Variants in GSE1 observed in about 807,000 individuals in gnomAD.
GSE1 encodes the protein genetic suppressor element 1.
Under a neutral mutation model 112.6 loss-of-function variants are expected in GSE1, and 32 were observed. The observed-to-expected ratio is 0.28, with a 90% CI of 0.21 to 0.38. GSE1 has a LOEUF of 0.38. Among genes scored for constraint, GSE1 ranks in the 10% least tolerant of loss-of-function variants. The pLI is 1.00. For missense variants in GSE1, 2,348 were observed against 1,699.2 expected, an observed-to-expected ratio of 1.38 and a Z score of -6.71; for synonymous variants, 1,115 against 735.6, an observed-to-expected ratio of 1.52 and a Z score of -8.35.
Position 85,494,371 on chromosome 16 carries a change from T to G in GSE1, c.2464+136728T>G, listed in dbSNP as rs568668433. Among the ~76,000 whole-genome samples the G allele has an allele frequency of 1.6e-3, 243 of 152,330 alleles. 1 individual carries two copies. The highest frequency in any genetic ancestry group is 3.0e-3 in the Non-Finnish European group (204 of 68,034). ...TGTAAGGACCCCAGTCATGTTGGAC[T>G]TGGGGCCCACCCTATTCCAAAATGA... On this transcript the variant is annotated intron_variant, in intron 2 of 2. Transcript: ENST00000637419.
At chr16:85,480,322 G>T (rs2050631578) in intron 2 of GSE1, among the ~76,000 whole-genome samples, 1 of 152,064 alleles carries the variant, frequency 6.6e-6, no homozygotes, top group Non-Finnish European at 1.5e-5. Context: ...GGCGGGACTG[G>T]GAGTTTTCCT....
intron 1 of GSE1, among the ~76,000 whole-genome samples, chr16:85,337,231 C>A (rs1264416142): frequency 6.6e-6 from 1 of 152,208 alleles, no homozygotes; most frequent in Admixed American, 6.5e-5. Context: ...GCCTAGGCAG[C>A]ACAGCCCCCT....
intron 2 of GSE1, among the ~76,000 whole-genome samples, chr16:85,440,023 G>C (rs2049340079): frequency 1.3e-5 from 2 of 152,248 alleles, no homozygotes; most frequent in Admixed American, 6.5e-5. Context: ...AGACTGCACA[G>C]AGCTCCACAG....
intron 2 of GSE1, among the ~76,000 whole-genome samples, chr16:85,504,255 A>C (rs2051464063): frequency 6.6e-6 from 1 of 152,212 alleles, no homozygotes; most frequent in East Asian, 1.9e-4. Flanking sequence ...CCCACGATGT[A>C]AGATGGGCAC....
intron 1 of GSE1, among the ~76,000 whole-genome samples, chr16:85,344,757 G>T (rs577068313): frequency 2.4e-4 from 36 of 152,356 alleles, no homozygotes; most frequent in African/African-American, 8.2e-4. Flanking sequence ...TTTGAAGCAG[G>T]CAAGGCTGAG....
chr16:85,214,929 A>G (rs1224586042), intron 1 of GSE1, among the ~76,000 whole-genome samples: 4 of 152,080 alleles, frequency 2.6e-5, no homozygotes, highest in Non-Finnish European at 5.9e-5. Flanking sequence ...TTCCCTCCCC[A>G]TGTCCATTCA....
At chr16:85,642,034 G>C (rs1335461708) in intron 2 of GSE1, among the ~76,000 whole-genome samples, 1 of 152,254 alleles carries the variant, frequency 6.6e-6, no homozygotes, top group Non-Finnish European at 1.5e-5. Flanking sequence ...CCCTCCAGCT[G>C]TTCCAGCCTA....
In GSE1 at chr16:85,661,274, T is replaced by G. The variant is rs1225917614; in HGVS notation, c.1769T>G (p.Leu590Arg). 2 of 1,612,816 alleles carry G rather than the reference T, an allele frequency of 1.2e-6. No individual in the cohort carries two copies. The highest frequency in any genetic ancestry group is 2.7e-5 in the African/African-American group (2 of 74,934). The change falls in exon 9 of 16, where the codon CTG (leucine) becomes CGG (arginine). Residue 590 changes from leucine to arginine, a missense_variant. Leu to Arg is a moderately radical substitution (Grantham distance 102, BLOSUM62 -2). Transcript: ENST00000253458. ...ACGGCCCTCTGGAACCCCGTGTCCCTGATGGACAACACCTTGGAGACGCGG... is the reference window on the plus strand; with the variant it reads ...ACGGCCCTCTGGAACCCCGTGTCCCGGATGGACAACACCTTGGAGACGCGG... Reference protein sequence around the residue: ...APTALWNPVSLMDNTLETRRA... With the variant: ...APTALWNPVSRMDNTLETRRA...
chr16:85,203,236 C>T (rs912008752), intron 1 of GSE1, among the ~76,000 whole-genome samples: 3 of 152,138 alleles, frequency 2.0e-5, no homozygotes, highest in Non-Finnish European at 2.9e-5. Flanking sequence ...GCGATGGCCA[C>T]CTAGATGGAG....
chr16:85,550,185 C>T (rs1430844250), intron 2 of GSE1, among the ~76,000 whole-genome samples: 2 of 152,082 alleles, frequency 1.3e-5, no homozygotes, highest in Non-Finnish European at 2.9e-5. Context: ...AGGGTGGGGG[C>T]GAGACGGAAT....
chr16:85,609,886 A>G (rs1490696222), upstream of GSE1, among the ~76,000 whole-genome samples: 1 of 152,116 alleles, frequency 6.6e-6, no homozygotes, highest in Non-Finnish European at 1.5e-5. Context: ...CGAACTCCTG[A>G]TCTCAAGCAA....
intron 1 of GSE1, among the ~76,000 whole-genome samples, chr16:85,312,441 G>T (rs1393946489): frequency 6.6e-6 from 1 of 152,168 alleles, no homozygotes; most frequent in Non-Finnish European, 1.5e-5. Context: ...TTGGCTCATG[G>T]CTGTATTGCC....
rs1221128320 is a variant in GSE1 at position 85,648,671 on chromosome 16, A to G, written c.346A>G (p.Ser116Gly). The change falls in exon 3 of 16, where the codon AGC (serine) becomes GGC (glycine). Residue 116 changes from serine (S) to glycine (G), a missense_variant. Transcript: ENST00000253458. ...GPIIVPPGGH[S>G]VPSTPPVVTI... ...TATCATCGTCCCCCCTGGGGGCCAC[A>G]GCGTGCCCAGCACCCCCCCCGTGGT... 2 of 1,602,028 alleles carry G rather than the reference A, an allele frequency of 1.2e-6. No homozygotes were observed. The highest frequency in any genetic ancestry group is 4.5e-5 in the East Asian group (2 of 44,498).
chr16:85,215,013 T>C (rs1382948656), intron 1 of GSE1, among the ~76,000 whole-genome samples: 2 of 152,168 alleles, frequency 1.3e-5, no homozygotes, highest in Non-Finnish European at 2.9e-5. Flanking sequence ...AAGGCCCAGC[T>C]AGAGTGCCCA....
chr16:85,192,903 A>G (rs1567601512), intron 1 of GSE1, among the ~76,000 whole-genome samples: 1 of 152,186 alleles, frequency 6.6e-6, no homozygotes. Context: ...TGCCCTCGCA[A>G]ACAAGAGTGA....
chr16:85,323,907 A>G lies in GSE1; in HGVS notation c.2284-33556A>G, dbSNP rs533216740. 2.0e-4 allele frequency among the ~76,000 whole-genome samples: 30 copies of G among 152,344 alleles called. 1 individual carries two copies. The South Asian group carries it at 5.8e-3, about 29-fold the overall frequency. On this transcript the variant is annotated intron_variant, in intron 1 of 2. Coordinates refer to the GSE1 transcript ENST00000637419. ...CGCCTGCCACACAGCTTCCAAGTCC[A>G]GTAAGGCCTTGAGCCCGAATCTGCC...
At chr16:85,336,488 C>A (rs2046488203) in intron 1 of GSE1, among the ~76,000 whole-genome samples, 1 of 152,178 alleles carries the variant, frequency 6.6e-6, no homozygotes, top group South Asian at 2.1e-4. Context: ...GCCTTGGTGG[C>A]TCGGGTAGGA....
intron 1 of GSE1, among the ~76,000 whole-genome samples, chr16:85,344,442 C>T (rs572639867): frequency 8.5e-5 from 13 of 152,324 alleles, no homozygotes; most frequent in East Asian, 5.8e-4. Flanking sequence ...GCCCTTGTTT[C>T]GGGGCTGAGA....
At chr16:85,289,707 C>T (rs2045148614) in intron 1 of GSE1, among the ~76,000 whole-genome samples, 1 of 152,168 alleles carries the variant, frequency 6.6e-6, no homozygotes, top group African/African-American at 2.4e-5. Flanking sequence ...GAGTAGGCAA[C>T]TCACGTTTGC....
Sources: allele counts gnomAD v4.1 joint callset (sites outside exome capture counted in the v4.1 genomes callset), GRCh38; gene constraint gnomAD v4.1.1; transcripts MANE v1.5; gene names NCBI Gene and HGNC (gene_info 2026-07-23, HGNC 2026-07-21).